KNL1: variants seen among roughly 807,000 people sequenced by gnomAD.
The protein encoded by KNL1 is outer kinetochore KNL1 complex subunit KNL1.
In KNL1, 66 loss-of-function variants were observed where a neutral mutation model predicts 201.3. The observed-to-expected ratio is 0.33, with a 90% CI of 0.27 to 0.40. The LOEUF (loss-of-function observed/expected upper bound fraction) is 0.40. KNL1 is among the 10% of genes least tolerant of loss of function. KNL1 has a pLI of 1.00. For missense variants in KNL1, 2,815 were observed against 2,690.5 expected, an observed-to-expected ratio of 1.05 and a Z score of -1.02; for synonymous variants, 895 against 899.2, an observed-to-expected ratio of 1.00 and a Z score of 0.08.
rs745514250 is a variant in KNL1 at position 40,623,054 on chromosome 15, A to T, written c.2790A>T (p.Ser930=). The change falls in exon 10 of 26, where the codon TCA becomes TCT. Residue 930 remains serine (S), a synonymous_variant. Coordinates refer to ENST00000399668, the MANE Select transcript of KNL1 (RefSeq NM_144508.5). ...CTGCCTTAGAATGTAAAACTGTCTC[A>T]CCAGATGAAATAACTACTAGGCCTA... ...HTTALECKTV[S]PDEITTRPMD... 6.8e-6 allele frequency: 11 copies of T among 1,613,704 alleles called. No individual in the cohort carries two copies. In the South Asian group the frequency reaches 1.2e-4, roughly 18 times the overall value.
Position 40,621,028 on chromosome 15 carries a change from A to G in KNL1, c.764A>G (p.His255Arg). Residue 255 changes from histidine to arginine, a missense_variant, in exon 10 of 26, where the codon CAT becomes CGT. By Grantham distance (29) the His-to-Arg change is conservative (BLOSUM62 0). Transcript: ENST00000399668. ...SKEPNSASST[H>R]QMHVSLKEDE... Reference sequence around the variant, plus strand: ...GAACCGAACAGTGCCTCTTCTACACATCAAATGCATGTATCTCTTAAGGAA... The same window carrying G: ...GAACCGAACAGTGCCTCTTCTACACGTCAAATGCATGTATCTCTTAAGGAA... 6.2e-7 allele frequency: 1 copy of G among 1,607,526 alleles called. No individual in the cohort carries two copies. Among genetic ancestry groups the G allele is most frequent in the South Asian group, 1.1e-5 (1 of 90,300 alleles).
At chr15:40,594,438 G>T (rs1032612128) in intron 1 of KNL1, 46 bp downstream of exon 1, 4 of 152,260 alleles carry the variant, frequency 2.6e-5, no homozygotes, top group Admixed American at 1.3e-4. Context: ...GAAGGCTTCG[G>T]GTTTTGTCTG....
intron 14 of KNL1, among the ~76,000 whole-genome samples, 159 bp from the exon 15 acceptor site, chr15:40,644,838 G>A (rs903856287): frequency 3.3e-5 from 5 of 152,166 alleles, no homozygotes; most frequent in Non-Finnish European, 7.3e-5. Flanking sequence ...AGTGGTTGGG[G>A]CAAAGCTACA....
At chr15:40,661,931 C>G (rs548834761) in intron 25 of KNL1, 143 bp from the exon 26 acceptor site, 1 of 499,806 alleles carries the variant, frequency 2.0e-6, no homozygotes, top group South Asian at 2.1e-5. Context: ...GTCCCAGCTA[C>G]TCGGGAGGCT....
At chr15:40,652,154 C>T (rs766198353) in intron 21 of KNL1, 49 bp downstream of exon 21, 4 of 1,200,218 alleles carry the variant, frequency 3.3e-6, no homozygotes, top group Non-Finnish European at 3.7e-6. Context: ...TGAATGGCTA[C>T]ACTCACTAAA....
chr15:40,632,211 C>A (rs2141735619), intron 13 of KNL1, among the ~76,000 whole-genome samples: 1 of 55,272 alleles, frequency 1.8e-5, no homozygotes, highest in Non-Finnish European at 4.3e-5. Flanking sequence ...CATAGCGAGA[C>A]CCCCCCCCAC....
rs866908598 is a variant in KNL1, at chr15:40,616,690, C to T, written c.322+1312C>T. Among the ~76,000 whole-genome samples the T allele has an allele frequency of 2.0e-5, 3 of 152,276 alleles. No individual in the cohort carries two copies. The Middle Eastern group carries it at 0.01, about 518-fold the overall frequency. ...CTACTGTATTTCATTTCTTATCCTT[C>T]CAATCCATTCTCCATATTTCTAAAT... On this transcript the variant is annotated intron_variant, in intron 8 of 25. Coordinates refer to ENST00000399668, the MANE Select transcript of KNL1 (RefSeq NM_144508.5).
intron 8 of KNL1, among the ~76,000 whole-genome samples, chr15:40,617,367 C>T (rs1202986133): frequency 6.6e-6 from 1 of 152,186 alleles, no homozygotes; most frequent in Non-Finnish European, 1.5e-5. Flanking sequence ...CCAAAGTGTC[C>T]AGTCCACAAA....
chr15:40,624,577 A>G lies in KNL1; in HGVS notation c.4313A>G (p.Tyr1438Cys), dbSNP rs752199099. ...ATGAAAGTCTATGTTGATGACATTT[A>G]TGTTATTCCTCAGCCTCATTTCTCA... is the stretch of plus-strand genomic sequence containing the variant. ...DQMKVYVDDI[Y>C]VIPQPHFSTD... Residue 1438 changes from tyrosine to cysteine, a missense_variant, in exon 10 of 26, where the codon TAT becomes TGT. Physicochemically the swap from Tyr to Cys is radical, Grantham distance 194 (BLOSUM62 -2). This residue lies in a region of KNL1 where 2,464 missense variants were observed against 2,291.7 expected (regional missense o/e 1.08). Coordinates refer to ENST00000399668, the MANE Select transcript of KNL1 (RefSeq NM_144508.5). 6.2e-6 allele frequency: 10 copies of G among 1,613,952 alleles called. No homozygotes were observed. The highest frequency in any genetic ancestry group is 2.2e-5 in the East Asian group (1 of 44,872).
chr15:40,604,308 A>G (rs535015948), intron 2 of KNL1, among the ~76,000 whole-genome samples: 99 of 152,200 alleles, frequency 6.5e-4, no homozygotes, highest in Middle Eastern at 3.4e-3. Flanking sequence ...TTTGTCTAAA[A>G]TTGACATCAC....
intron 1 of KNL1, among the ~76,000 whole-genome samples, chr15:40,599,312 C>CAAA (rs547293277): frequency 1.7e-5 from 1 of 57,170 alleles, no homozygotes; most frequent in Non-Finnish European, 3.6e-5. Flanking sequence ...GATTCTGCCT[C>CAAA]AAAAAAAAAA....
At position 40,628,675 on chromosome 15, in the gene KNL1, G is replaced by A. The variant is rs1286164862; in HGVS notation, c.5580G>A (p.Arg1860=). 1 of 1,571,906 alleles carries A rather than the reference G, an allele frequency of 6.4e-7. No homozygotes were observed. The highest frequency in any genetic ancestry group is 8.7e-7 in the Non-Finnish European group (1 of 1,152,008). Residue 1860 remains arginine (R), a synonymous_variant, in exon 12 of 26, where the codon AGG becomes AGA. Coordinates refer to ENST00000399668, the MANE Select transcript of KNL1 (RefSeq NM_144508.5). Reference sequence around the variant, plus strand: ...ATACTATTTGTGAAGAGAGCTTGAGGGAGGTATGTTAAAATTCTTTTTCTT... The same window carrying A: ...ATACTATTTGTGAAGAGAGCTTGAGAGAGGTATGTTAAAATTCTTTTTCTT... ...LRDTICEESL[R]EKLQDGRITI...
rs1484454034 is a variant in KNL1, at chr15:40,656,176, ATCCCAGCACTTTGGGAGACCAAGGCGGGC to A, written c.6485-865_6485-837del. ...CTGGGTGCCGTGGCTCACACCTGTA[ATCCCAGCACTTTGGGAGACCAAGGCGGGC>A]GGATCACTGGAGGTCAGGAGTTCAA... On this transcript the variant is annotated intron_variant, in intron 22 of 25. Coordinates refer to ENST00000399668, the MANE Select transcript of KNL1 (RefSeq NM_144508.5). Among the ~76,000 whole-genome samples the A allele has an allele frequency of 9.8e-5, 15 of 152,308 alleles. No homozygotes were observed. In the East Asian group the frequency reaches 2.1e-3, roughly 22 times the overall value.
chr15:40,614,681 T>A (rs754141920), intron 7 of KNL1, among the ~76,000 whole-genome samples: 1 of 152,250 alleles, frequency 6.6e-6, no homozygotes, highest in Non-Finnish European at 1.5e-5. Flanking sequence ...CCTAGTAATA[T>A]GTCTTATAGC....
intron 21 of KNL1, among the ~76,000 whole-genome samples, chr15:40,653,600 T>C (rs963900977): frequency 6.6e-6 from 1 of 152,102 alleles, no homozygotes; most frequent in Non-Finnish European, 1.5e-5. Flanking sequence ...TTATGGATCT[T>C]CTCCTCCTCC....
chr15:40,610,981 C>T (rs1359466526), intron 6 of KNL1: 2 of 336,852 alleles, frequency 5.9e-6, no homozygotes, highest in African/African-American at 4.4e-5. Flanking sequence ...AACCCCTGGC[C>T]TCAAGTGATC....
At chr15:40,603,589 G>GC (rs1162304468) in intron 2 of KNL1, among the ~76,000 whole-genome samples, 4 of 152,056 alleles carry the variant, frequency 2.6e-5, no homozygotes, top group Admixed American at 6.6e-5. Context: ...AGACACCCCC[G>GC]CCCCCCCATC....
Position 40,628,694 on chromosome 15 carries a change from T to A in KNL1, c.5583+16T>A. 1 of 1,482,570 alleles carries A rather than the reference T, an allele frequency of 6.7e-7. No individual in the cohort carries two copies. The allele number at this position is 1,482,570 out of a possible 1,614,324, so 91.8% of individuals were successfully genotyped here. On this transcript the variant is annotated intron_variant, in intron 12 of 25. Coordinates refer to ENST00000399668, the MANE Select transcript of KNL1 (RefSeq NM_144508.5). ...CTTGAGGGAGGTATGTTAAAATTCT[T>A]TTTCTTTTTTTTATTTATAAAGAAA... is the stretch of plus-strand genomic sequence containing the variant.
At position 40,624,115 on chromosome 15, in the gene KNL1, A is replaced by G. The variant is rs1214512386; in HGVS notation, c.3851A>G (p.Asn1284Ser). 1.2e-6 allele frequency: 2 copies of G among 1,614,006 alleles called. No homozygotes were observed. Among genetic ancestry groups the G allele is most frequent in the Admixed American group, 3.3e-5 (2 of 60,008 alleles). ...SCQLNNRDRR[N>S]VDFTSSHATA... ...CAGTTAAATAATAGAGATAGAAGAA[A>G]TGTGGACTTTACAAGTAGTCATGCA... The change falls in exon 10 of 26, where the codon AAT becomes AGT. Residue 1284 changes from asparagine to serine, a missense_variant. By Grantham distance (46) the Asn-to-Ser change is conservative. This residue lies in a region of KNL1 where 2,464 missense variants were observed against 2,291.7 expected (regional missense o/e 1.08). Coordinates refer to ENST00000399668, the MANE Select transcript of KNL1 (RefSeq NM_144508.5).
Sources: allele counts gnomAD v4.1 joint callset (sites outside exome capture counted in the v4.1 genomes callset), GRCh38; gene constraint gnomAD v4.1.1; regional missense constraint gnomAD v4.1.1; transcripts MANE v1.5; gene names NCBI Gene and HGNC (gene_info 2026-07-23, HGNC 2026-07-21).